CNST: variants seen among roughly 807,000 people sequenced by gnomAD.
The protein encoded by CNST is consortin.
CNST carries 39 observed loss-of-function variants against 72.4 expected under a neutral mutation model. The ratio of observed to expected loss-of-function variants is 0.54; its 90% CI spans 0.42 to 0.70. The LOEUF is 0.70. Among genes scored for constraint, CNST ranks in the 30% least tolerant of loss-of-function variants. The pLI is 0.00. For synonymous variants in CNST, 332 were observed against 320.1 expected (o/e 1.04, Z -0.40); for missense variants, 871 against 868.5 (o/e 1.00, Z -0.04).
In CNST at chr1:246,589,302, C is replaced by G. The variant is rs1159674280; in HGVS notation, c.-51-2210C>G. Among the ~76,000 whole-genome samples, 4 of 143,924 alleles carry G rather than the reference C, an allele frequency of 2.8e-5. No individual in the cohort carries two copies. The Admixed American group carries it at 2.9e-4, about 10-fold the overall frequency. 94.4% of individuals were successfully genotyped at this position (143,924 alleles called of 152,430 possible). ...ACAACAGTCCCTGATGTGTGATGTT[C>G]CCCTTCCTGTGTCCATGTGTTCTCA... On this transcript the variant is annotated intron_variant, in intron 1 of 10. Coordinates refer to ENST00000366513, the MANE Select transcript of CNST (RefSeq NM_152609.3).
At chr1:246,571,679 A>T (rs1660081289) in intron 1 of CNST, among the ~76,000 whole-genome samples, 4 of 152,114 alleles carry the variant, frequency 2.6e-5, no homozygotes, top group Admixed American at 6.5e-5. Context: ...AAATTTTGTC[A>T]TATTTATTTA....
intron 9 of CNST, among the ~76,000 whole-genome samples, chr1:246,652,729 GCA>G: frequency 6.6e-6 from 1 of 152,234 alleles, no homozygotes; most frequent in African/African-American, 2.4e-5. Flanking sequence ...ATCTGGCCGG[GCA>G]CAGTGGCTCA....
chr1:246,576,541 GC>G (rs1660448366), intron 1 of CNST, among the ~76,000 whole-genome samples: 1 of 150,370 alleles, frequency 6.7e-6, no homozygotes, highest in Non-Finnish European at 1.5e-5. Context: ...TGTCACCCAG[GC>G]TGGAGTGCAG....
intron 3 of CNST, among the ~76,000 whole-genome samples, chr1:246,626,451 C>CTTGT (rs750768271): frequency 6.3e-5 from 5 of 79,956 alleles, no homozygotes; most frequent in African/African-American, 2.4e-4. Context: ...TAGGTTTGTC[C>CTTGT]TTTTTTTTTT....
intron 9 of CNST, among the ~76,000 whole-genome samples, chr1:246,657,647 C>G (rs1479330625): frequency 2.6e-5 from 4 of 152,192 alleles, no homozygotes; most frequent in African/African-American, 7.2e-5. Context: ...GTGGGACCAC[C>G]TGACAAGGCT....
intron 1 of CNST, among the ~76,000 whole-genome samples, chr1:246,568,029 GGTAGTTCATGCCT>G (rs1659832716): frequency 6.6e-6 from 1 of 152,094 alleles, no homozygotes; most frequent in Non-Finnish European, 1.5e-5. Flanking sequence ...GGCTGGGTAT[GGTAGTTCATGCCT>G]GTAATCCCAG....
intron 2 of CNST, among the ~76,000 whole-genome samples, chr1:246,597,768 C>A (rs552857296): frequency 4.6e-4 from 70 of 152,294 alleles, no homozygotes; most frequent in Admixed American, 7.8e-4. Context: ...AGTCTCGGTT[C>A]TGCCTGTTCT....
intron 3 of CNST, among the ~76,000 whole-genome samples, chr1:246,623,693 C>T (rs929427284): frequency 6.0e-5 from 9 of 151,246 alleles, no homozygotes; most frequent in Admixed American, 5.3e-4. Flanking sequence ...ACCCAGGAGG[C>T]GGAGGTTGCA....
At position 246,647,310 on chromosome 1, in the gene CNST, C is replaced by A; in HGVS notation, c.1109C>A (p.Thr370Lys). Residue 370 changes from threonine to lysine, a missense_variant, in exon 9 of 11, where the codon ACG becomes AAG. Transcript: ENST00000366513. ...GAGCTGCTCTGCAGCGCTGAAGCCA[C>A]GTTAGCGCTCCACACCCAGTCCTCC... is the stretch of plus-strand genomic sequence containing the variant. Reference protein sequence around the residue: ...MEELLCSAEATLALHTQSSET... With the variant: ...MEELLCSAEAKLALHTQSSET... 6.2e-7 allele frequency: 1 copy of A among 1,614,164 alleles called. No homozygotes were observed. Among genetic ancestry groups the A allele is most frequent in the Non-Finnish European group, 8.5e-7 (1 of 1,180,048 alleles).
chr1:246,660,561 A>C (rs367946154), intron 10 of CNST, among the ~76,000 whole-genome samples: 7 of 152,272 alleles, frequency 4.6e-5, no homozygotes, highest in African/African-American at 1.7e-4. Flanking sequence ...CCCTGTGTCC[A>C]CTAAAATTAG....
intron 3 of CNST, among the ~76,000 whole-genome samples, chr1:246,624,105 A>C (rs1393205034): frequency 6.6e-6 from 1 of 152,220 alleles, no homozygotes; most frequent in African/African-American, 2.4e-5. Flanking sequence ...GTCCCAATTC[A>C]GGAAAATGTA....
intron 9 of CNST, among the ~76,000 whole-genome samples, chr1:246,649,722 A>G (rs1177285800): frequency 1.3e-5 from 2 of 151,942 alleles, no homozygotes; most frequent in Non-Finnish European, 2.9e-5. Flanking sequence ...GTGCCTTTTT[A>G]GAACTATCTT....
At chr1:246,648,651 AGGC>A (rs1483062913) in intron 9 of CNST, among the ~76,000 whole-genome samples, 3 of 152,232 alleles carry the variant, frequency 2.0e-5, no homozygotes, top group Non-Finnish European at 4.4e-5. Context: ...ACACTCACGA[AGGC>A]GGCCTGGTGT....
chr1:246,600,141 G>A (rs963018563), intron 2 of CNST, among the ~76,000 whole-genome samples: 5 of 152,186 alleles, frequency 3.3e-5, no homozygotes, highest in East Asian at 1.9e-4. Flanking sequence ...GATGGCAGGC[G>A]TACCATGGGC....
At chr1:246,630,407 G>C (rs1254424474) in intron 3 of CNST, among the ~76,000 whole-genome samples, 1 of 152,140 alleles carries the variant, frequency 6.6e-6, no homozygotes, top group Non-Finnish European at 1.5e-5. Context: ...TTTGTCCCTT[G>C]CAAAATCTTT....
intron 1 of CNST, among the ~76,000 whole-genome samples, chr1:246,580,100 A>C (rs1214116742): frequency 6.6e-6 from 1 of 152,194 alleles, no homozygotes; most frequent in Non-Finnish European, 1.5e-5. Flanking sequence ...CTTACGAATG[A>C]CGGGGCTTAT....
Position 246,647,470 on chromosome 1 carries a change from G to A in CNST, c.1269G>A (p.Val423=), listed in dbSNP as rs1558588373. 1 of 1,614,188 alleles carries A rather than the reference G, an allele frequency of 6.2e-7. No homozygotes were observed. The highest frequency in any genetic ancestry group is 8.5e-7 in the Non-Finnish European group (1 of 1,180,044). ...AGGGCATTGCTGAAGACCCTAAGGT[G>A]TTTCTTTCCAGCAAGTCAAAGACAG... ...RIEGIAEDPK[V]FLSSKSKTEP... Residue 423 remains valine (V), a synonymous_variant, in exon 9 of 11, where the codon GTG becomes GTA. Transcript: ENST00000366513.
At chr1:246,579,177 A>G (rs1344335323) in intron 1 of CNST, among the ~76,000 whole-genome samples, 2 of 152,248 alleles carry the variant, frequency 1.3e-5, no homozygotes, top group African/African-American at 4.8e-5. Context: ...TTGTGTTAAC[A>G]TAAAATTAGC....
chr1:246,573,687 T>A (rs142477004), intron 1 of CNST, among the ~76,000 whole-genome samples: 1 of 152,226 alleles, frequency 6.6e-6, no homozygotes, highest in Admixed American at 6.5e-5. Flanking sequence ...AAAAACCTTA[T>A]GAGCAAAATT....
Sources: allele counts gnomAD v4.1 joint callset (sites outside exome capture counted in the v4.1 genomes callset), GRCh38; gene constraint gnomAD v4.1.1; transcripts MANE v1.5; gene names NCBI Gene and HGNC (gene_info 2026-07-23, HGNC 2026-07-21).